TMEM217B: variants seen among roughly 807,000 people sequenced by gnomAD.
TMEM217B encodes the protein putative transmembrane protein 217B.
chr6:37,226,907 T>C, the TMEM217B span, among the ~76,000 whole-genome samples: 1 of 152,230 alleles, frequency 6.6e-6, no homozygotes, highest in Non-Finnish European at 1.5e-5. Context: ...TAACAACTCA[T>C]GTATTGTCTT....
At chr6:37,254,740 G>C in the TMEM217B span, among the ~76,000 whole-genome samples, 1 of 152,130 alleles carries the variant, frequency 6.6e-6, no homozygotes, top group Non-Finnish European at 1.5e-5. Context: ...AGGTGCTGGG[G>C]ATACAGCAGG....
the TMEM217B span, among the ~76,000 whole-genome samples, chr6:37,234,249 G>A: frequency 6.2e-4 from 95 of 152,032 alleles, 2 homozygotes; most frequent in South Asian, 0.017. Context: ...ACAGGCATGC[G>A]CCACCACACC....
the TMEM217B span, among the ~76,000 whole-genome samples, chr6:37,226,508 AG>A: frequency 6.6e-6 from 1 of 150,942 alleles, no homozygotes; most frequent in Non-Finnish European, 1.5e-5. Context: ...CGTGTTAGCC[AG>A]GATGGTCTCG....
chr6:37,218,407 C>A, the TMEM217B span: 8 of 1,559,782 alleles, frequency 5.1e-6, no homozygotes, highest in East Asian at 6.7e-5. Context: ...GAACTCCTGA[C>A]CTCAGGCGAT....
the TMEM217B span, among the ~76,000 whole-genome samples, chr6:37,239,008 T>C: frequency 1.3e-5 from 2 of 152,194 alleles, no homozygotes; most frequent in South Asian, 4.2e-4. Flanking sequence ...CACATGCCTG[T>C]AATCCCAGCT....
chr6:37,229,807 AAACT>A, the TMEM217B span, among the ~76,000 whole-genome samples: 13 of 152,186 alleles, frequency 8.5e-5, no homozygotes, highest in Admixed American at 2.6e-4. Flanking sequence ...AAATTACCAC[AAACT>A]GAGTGGTTAC....
chr6:37,247,673 C>A, the TMEM217B span, among the ~76,000 whole-genome samples: 1 of 151,936 alleles, frequency 6.6e-6, no homozygotes, highest in African/African-American at 2.4e-5. Context: ...GGCATGAACC[C>A]GGCAAGGGCA....
At chr6:37,223,997 C>T in the TMEM217B span, among the ~76,000 whole-genome samples, 1 of 150,028 alleles carries the variant, frequency 6.7e-6, no homozygotes, top group Non-Finnish European at 1.5e-5. Context: ...AATGCAGTGG[C>T]ACGATCTCAG....
chr6:37,240,788 G>T, the TMEM217B span, among the ~76,000 whole-genome samples: 1 of 151,994 alleles, frequency 6.6e-6, no homozygotes, highest in Admixed American at 6.6e-5. Context: ...AACATCAAAT[G>T]GTTGTTACTA....
chr6:37,230,080 C>G, the TMEM217B span, among the ~76,000 whole-genome samples: 19 of 152,306 alleles, frequency 1.2e-4, no homozygotes, highest in Non-Finnish European at 2.4e-4. Context: ...CCACCCCTGG[C>G]TTCCAGAGGC....
At chr6:37,235,984 T>C in the TMEM217B span, among the ~76,000 whole-genome samples, 2 of 152,202 alleles carry the variant, frequency 1.3e-5, no homozygotes, top group African/African-American at 4.8e-5. Context: ...AATATCTTTA[T>C]GTAGAGTTTA....
the TMEM217B span, among the ~76,000 whole-genome samples, chr6:37,235,575 C>G: frequency 1.3e-5 from 2 of 150,410 alleles, no homozygotes; most frequent in African/African-American, 2.4e-5. Flanking sequence ...ACCATGTTAG[C>G]CAGGATGGTC....
chr6:37,253,727 C>T, the TMEM217B span, among the ~76,000 whole-genome samples: 13 of 152,300 alleles, frequency 8.5e-5, no homozygotes, highest in Non-Finnish European at 2.9e-5. Flanking sequence ...TGCCAGGGAT[C>T]TCTCTGTAAG....
the TMEM217B span, chr6:37,218,994 T>A: frequency 6.2e-7 from 1 of 1,614,022 alleles, no homozygotes; most frequent in Non-Finnish European, 8.5e-7. Context: ...ACGGTGCCCA[T>A]TTTGGCAGTC....
the TMEM217B span, among the ~76,000 whole-genome samples, chr6:37,245,269 C>T: frequency 6.6e-6 from 1 of 152,252 alleles, no homozygotes; most frequent in Non-Finnish European, 1.5e-5. Flanking sequence ...TCACTGAAGA[C>T]ACTGCCACTG....
the TMEM217B span, chr6:37,218,704 G>A: frequency 1.2e-3 from 1,996 of 1,614,090 alleles, 19 homozygotes; most frequent in South Asian, 6.7e-3. Flanking sequence ...TTTGTATTAC[G>A]ACGTTTGCAG....
the TMEM217B span, among the ~76,000 whole-genome samples, chr6:37,227,365 C>G: frequency 4.3e-4 from 65 of 152,298 alleles, no homozygotes; most frequent in African/African-American, 1.5e-3. Context: ...TAGTTCTTCT[C>G]CTTCCTTCCC....
the TMEM217B span, among the ~76,000 whole-genome samples, chr6:37,255,790 G>T: frequency 6.6e-6 from 1 of 152,146 alleles, no homozygotes; most frequent in Non-Finnish European, 1.5e-5. Flanking sequence ...GCAGGTGTGT[G>T]GTTGGTGAAG....
chr6:37,244,722 A>G, the TMEM217B span, among the ~76,000 whole-genome samples: 1 of 152,182 alleles, frequency 6.6e-6, no homozygotes, highest in East Asian at 1.9e-4. Flanking sequence ...GCATGTAACA[A>G]TGGACATGTA....
Sources: gnomAD v4.1 joint callset for allele counts (sites outside exome capture counted in the v4.1 genomes callset) on GRCh38, gnomAD v4.1.1 for gene constraint, MANE v1.5 for transcripts, NCBI Gene and HGNC (gene_info 2026-07-23, HGNC 2026-07-21) for gene names.